The following PCCA variants were observed in gnomAD, a reference collection of about 807,000 sequenced individuals.
The protein encoded by PCCA is propionyl-CoA carboxylase alpha chain, mitochondrial.
PCCA carries 74 observed loss-of-function variants against 101.3 expected under a neutral mutation model. That is an observed-to-expected ratio of 0.73 (90% CI 0.61 to 0.89). PCCA has a LOEUF of 0.89. PCCA is among the 40% of genes least tolerant of loss of function. The pLI, the probability that PCCA is intolerant of heterozygous loss-of-function variation, is 0.00. For missense variants in PCCA, 891 were observed against 907.0 expected (o/e 0.98, Z 0.23); for synonymous variants, 294 against 313.6 (o/e 0.94, Z 0.66).
At chr13:100,354,727 A>C (rs1276678927) in intron 18 of PCCA, among the ~76,000 whole-genome samples, 1 of 152,236 alleles carries the variant, frequency 6.6e-6, no homozygotes, top group Non-Finnish European at 1.5e-5. Context: ...TTGTTTACCA[A>C]TAAACAAGAT....
chr13:100,305,281 A>G (rs976850560), intron 14 of PCCA, among the ~76,000 whole-genome samples: 1 of 152,238 alleles, frequency 6.6e-6, no homozygotes, highest in African/African-American at 2.4e-5. Flanking sequence ...TCATAATATT[A>G]GTAAATAACA....
intron 18 of PCCA, among the ~76,000 whole-genome samples, chr13:100,367,189 G>A (rs982306307): frequency 1.2e-4 from 18 of 152,146 alleles, no homozygotes; most frequent in Admixed American, 2.0e-4. Context: ...TTAAAAAGTC[G>A]TGGGAAACAT....
chr13:100,184,969 C>A (rs2057125594), intron 6 of PCCA, among the ~76,000 whole-genome samples: 1 of 152,084 alleles, frequency 6.6e-6, no homozygotes, highest in African/African-American at 2.4e-5. Flanking sequence ...GAATATTTAC[C>A]TATTTTTTCA....
chr13:100,499,252 C>T (rs1387550569), intron 21 of PCCA, among the ~76,000 whole-genome samples: 2 of 152,212 alleles, frequency 1.3e-5, no homozygotes, highest in Admixed American at 6.5e-5. Flanking sequence ...TCAGCATCCG[C>T]GCTCACATAA....
intron 4 of PCCA, among the ~76,000 whole-genome samples, chr13:100,131,669 T>C (rs1055864059): frequency 1.3e-5 from 2 of 152,198 alleles, no homozygotes; most frequent in Non-Finnish European, 2.9e-5. Flanking sequence ...AAAAAACTTA[T>C]GCCTTTACAG....
chr13:100,478,697 G>A (rs2083631836), intron 21 of PCCA, among the ~76,000 whole-genome samples: 1 of 152,182 alleles, frequency 6.6e-6, no homozygotes, highest in South Asian at 2.1e-4. Context: ...CACCCTGGGA[G>A]TGACTCCTCA....
At chr13:100,336,985 C>A (rs2070569119) in intron 17 of PCCA, among the ~76,000 whole-genome samples, 1 of 151,964 alleles carries the variant, frequency 6.6e-6, no homozygotes, top group African/African-American at 2.4e-5. Flanking sequence ...TCCACATGCA[C>A]CCAGCAGCAC....
intron 4 of PCCA, among the ~76,000 whole-genome samples, chr13:100,144,684 G>A (rs539395033): frequency 7.9e-5 from 12 of 152,150 alleles, no homozygotes; most frequent in Non-Finnish European, 1.0e-4. Flanking sequence ...TTATAATTAA[G>A]GCTGTTGGGA....
chr13:100,150,046 GCAAAGATT>G (rs2053108283), intron 4 of PCCA, among the ~76,000 whole-genome samples: 3 of 46,284 alleles, frequency 6.5e-5, no homozygotes, highest in Non-Finnish European at 1.3e-4. Flanking sequence ...CACCCCGCCC[GCAAAGATT>G]CAGTCTTGCT....
At chr13:100,097,016 A>G (rs1256940862) in intron 1 of PCCA, among the ~76,000 whole-genome samples, 1 of 152,236 alleles carries the variant, frequency 6.6e-6, no homozygotes, top group Non-Finnish European at 1.5e-5. Context: ...GTGAAGGATC[A>G]GATGATTGTT....
intron 7 of PCCA, 74 bp from the exon 8 acceptor site, chr13:100,235,768 A>G: frequency 1.1e-6 from 1 of 939,358 alleles, no homozygotes; most frequent in African/African-American, 1.6e-5. Context: ...CAGTAGTGCA[A>G]TATATGACTG....
At chr13:100,383,600 C>A (rs2076345587) in intron 19 of PCCA, among the ~76,000 whole-genome samples, 1 of 151,620 alleles carries the variant, frequency 6.6e-6, no homozygotes, top group African/African-American at 2.4e-5. Context: ...AGAGTGAAAT[C>A]CTGGACCCCG....
At chr13:100,275,614 T>C (rs2063596205) in intron 12 of PCCA, among the ~76,000 whole-genome samples, 1 of 152,240 alleles carries the variant, frequency 6.6e-6, no homozygotes, top group Non-Finnish European at 1.5e-5. Context: ...GAAATGCTGG[T>C]ATTTTTGAGT....
intron 12 of PCCA, among the ~76,000 whole-genome samples, chr13:100,298,587 C>A (rs2065748119): frequency 1.1e-5 from 1 of 92,394 alleles, no homozygotes. Context: ...AGTTAACCAT[C>A]TTTTCCCTCC....
chr13:100,149,347 A>G (rs2053007596), intron 4 of PCCA: 1 of 152,012 alleles, frequency 6.6e-6, no homozygotes, highest in African/African-American at 2.4e-5. Flanking sequence ...TTAAGTGTAC[A>G]GTTCAGTGGC....
intron 16 of PCCA, among the ~76,000 whole-genome samples, chr13:100,323,983 G>A (rs888134305): frequency 6.6e-6 from 1 of 152,152 alleles, no homozygotes; most frequent in South Asian, 2.1e-4. Flanking sequence ...TGGGGATTCT[G>A]TGAGACTTGA....
rs565809938 is a variant in PCCA at position 100,431,911 on chromosome 13, C to T, written c.1845+6180C>T. On this transcript the variant is annotated intron_variant, in intron 20 of 23. Transcript: ENST00000376285. ...ATAAAATAAAATACAGATACCAGGC[C>T]GGGTGTGGTGGCTTAAGCCTGTAAT... 3.0e-4 allele frequency among the ~76,000 whole-genome samples: 45 copies of T among 151,058 alleles called. 1 individual carries two copies. The South Asian group carries it at 7.8e-3, about 26-fold the overall frequency.
chr13:100,170,256 G>T (rs1472421930), intron 6 of PCCA, among the ~76,000 whole-genome samples: 2 of 152,172 alleles, frequency 1.3e-5, no homozygotes, highest in African/African-American at 2.4e-5. Flanking sequence ...CAGTTGGAAA[G>T]ATTTTTGTTT....
intron 20 of PCCA, among the ~76,000 whole-genome samples, chr13:100,444,367 C>G (rs981849204): frequency 2.7e-5 from 4 of 146,480 alleles, no homozygotes; most frequent in Non-Finnish European, 6.0e-5. Context: ...CCACGCCCGG[C>G]TAATTTTTAT....
Sources: gnomAD v4.1 joint callset for allele counts (sites outside exome capture counted in the v4.1 genomes callset) on GRCh38, gnomAD v4.1.1 for gene constraint, MANE v1.5 for transcripts, NCBI Gene and HGNC (gene_info 2026-07-23, HGNC 2026-07-21) for gene names.